Variants in PDE10A observed in about 807,000 individuals in gnomAD.
The protein encoded by PDE10A is cAMP and cAMP-inhibited cGMP 3',5'-cyclic phosphodiesterase 10A.
A neutral mutation model predicts 97.7 loss-of-function variants in PDE10A; 39 were observed. The ratio of observed to expected loss-of-function variants is 0.40; its 90% CI spans 0.31 to 0.52. PDE10A has a LOEUF of 0.52. Ranked by LOEUF, PDE10A falls within the 20% of genes least tolerant of loss-of-function variation. The pLI is 0.56. For synonymous variants in PDE10A, 371 were observed against 376.8 expected, an observed-to-expected ratio of 0.98 and a Z score of 0.18; for missense variants, 731 against 1,047.8, an observed-to-expected ratio of 0.70 and a Z score of 4.17.
chr6:165,478,051 G>T (rs138684289), intron 3 of PDE10A, among the ~76,000 whole-genome samples: 42 of 152,104 alleles, frequency 2.8e-4, no homozygotes, highest in African/African-American at 9.4e-4. Context: ...TATACACCAC[G>T]AACTCCCAAA....
At chr6:165,464,430 T>G (rs1174894371) in intron 3 of PDE10A, among the ~76,000 whole-genome samples, 1 of 152,218 alleles carries the variant, frequency 6.6e-6, no homozygotes, top group Non-Finnish European at 1.5e-5. Context: ...ACTTATATAT[T>G]TTCTCAAGTC....
intron 1 of PDE10A, among the ~76,000 whole-genome samples, chr6:165,879,232 C>T (rs988879593): frequency 6.6e-6 from 1 of 152,190 alleles, no homozygotes; most frequent in Non-Finnish European, 1.5e-5. Flanking sequence ...AACATTCATA[C>T]AATGGCCACC....
chr6:165,543,405 A>G, intron 2 of PDE10A, 35 bp downstream of exon 2: 1 of 1,584,466 alleles, frequency 6.3e-7, no homozygotes, highest in South Asian at 1.2e-5. Flanking sequence ...AGATAGAAAA[A>G]GCTGGTTTAA....
At chr6:165,624,257 C>T (rs1396142026) in intron 1 of PDE10A, among the ~76,000 whole-genome samples, 1 of 152,210 alleles carries the variant, frequency 6.6e-6, no homozygotes, top group African/African-American at 2.4e-5. Flanking sequence ...AGCATCTGGT[C>T]TCTCTCGCTC....
intron 1 of PDE10A, among the ~76,000 whole-genome samples, chr6:165,966,950 A>T (rs1395908336): frequency 6.6e-6 from 1 of 152,246 alleles, no homozygotes; most frequent in African/African-American, 2.4e-5. Flanking sequence ...ATGAAACTGG[A>T]AATGAGGGTA....
chr6:165,712,929 C>T (rs911102496), intron 1 of PDE10A, among the ~76,000 whole-genome samples: 1 of 152,160 alleles, frequency 6.6e-6, no homozygotes, highest in Non-Finnish European at 1.5e-5. Context: ...CATGAGCCAC[C>T]GCACCCGGCC....
At chr6:165,394,658 G>C (rs1345242904) in intron 15 of PDE10A, among the ~76,000 whole-genome samples, 1 of 152,110 alleles carries the variant, frequency 6.6e-6, no homozygotes, top group Non-Finnish European at 1.5e-5. Flanking sequence ...TTTCTACAAT[G>C]GTTGAACTAA....
intron 1 of PDE10A, among the ~76,000 whole-genome samples, chr6:165,567,260 CAGA>C (rs1295879816): frequency 1.3e-5 from 2 of 152,112 alleles, no homozygotes; most frequent in Admixed American, 6.5e-5. Flanking sequence ...TGTAAGAAGT[CAGA>C]AAAGTGTTAC....
At chr6:165,630,651 G>A (rs1460955279) in intron 1 of PDE10A, among the ~76,000 whole-genome samples, 2 of 152,108 alleles carry the variant, frequency 1.3e-5, no homozygotes, top group African/African-American at 4.8e-5. Context: ...GGCTTATGCT[G>A]GTAGGACACG....
At chr6:165,880,330 C>T (rs1304947169) in intron 1 of PDE10A, among the ~76,000 whole-genome samples, 1 of 152,026 alleles carries the variant, frequency 6.6e-6, no homozygotes, top group Non-Finnish European at 1.5e-5. Flanking sequence ...ATAAATTTGC[C>T]CTGTTCAAAT....
At chr6:165,946,996 G>A (rs749026058) in intron 1 of PDE10A, 13 of 151,588 alleles carry the variant, frequency 8.6e-5, no homozygotes, top group African/African-American at 1.7e-4. Flanking sequence ...AAATTTACTC[G>A]GTTGCTCCAA....
At chr6:165,935,031 T>C (rs943221834) in intron 1 of PDE10A, among the ~76,000 whole-genome samples, 2 of 152,218 alleles carry the variant, frequency 1.3e-5, no homozygotes, top group Non-Finnish European at 1.5e-5. Context: ...TTACAAAGAA[T>C]GTAGTTATCA....
intron 1 of PDE10A, chr6:165,718,246 A>G (rs1482771939): frequency 2.6e-5 from 4 of 152,164 alleles, no homozygotes; most frequent in Non-Finnish European, 5.9e-5. Flanking sequence ...AAAATGTGTC[A>G]TACTTCATGA....
intron 1 of PDE10A, among the ~76,000 whole-genome samples, chr6:165,865,224 T>A (rs1781007935): frequency 6.6e-6 from 1 of 152,248 alleles, no homozygotes; most frequent in Non-Finnish European, 1.5e-5. Flanking sequence ...AGGAGACTAC[T>A]CTACTGTGCT....
At chr6:165,546,824 A>G (rs1010784736) in intron 1 of PDE10A, among the ~76,000 whole-genome samples, 3 of 152,154 alleles carry the variant, frequency 2.0e-5, no homozygotes, top group Non-Finnish European at 4.4e-5. Flanking sequence ...GTATGACAAT[A>G]CAAATAAAAA....
chr6:165,828,964 A>G (rs1210360473), intron 1 of PDE10A, among the ~76,000 whole-genome samples: 1 of 152,244 alleles, frequency 6.6e-6, no homozygotes, highest in Non-Finnish European at 1.5e-5. Context: ...AAAGTATTGT[A>G]AAAAATAGCA....
At chr6:165,710,046 T>C (rs192643057) in intron 1 of PDE10A, among the ~76,000 whole-genome samples, 1 of 152,130 alleles carries the variant, frequency 6.6e-6, no homozygotes, top group African/African-American at 2.4e-5. Context: ...ACATACCAAC[T>C]CAGACCTGCC....
At chr6:165,960,318 A>G (rs1784317726) in intron 1 of PDE10A, among the ~76,000 whole-genome samples, 1 of 152,250 alleles carries the variant, frequency 6.6e-6, no homozygotes, top group Admixed American at 6.5e-5. Flanking sequence ...CAAAGTTGTC[A>G]AAGAACACCC....
intron 10 of PDE10A, among the ~76,000 whole-genome samples, chr6:165,428,130 C>G (rs1035549049): frequency 6.6e-6 from 1 of 152,060 alleles, no homozygotes; most frequent in Admixed American, 6.6e-5. Flanking sequence ...AACAAGAAGG[C>G]CTGGGCATGC....
Sources: allele counts gnomAD v4.1 joint callset (sites outside exome capture counted in the v4.1 genomes callset), GRCh38; gene constraint gnomAD v4.1.1; transcripts MANE v1.5; gene names NCBI Gene and HGNC (gene_info 2026-07-23, HGNC 2026-07-21).